Variants in GPA33 observed in about 807,000 individuals in gnomAD.
The protein encoded by GPA33 is cell surface A33 antigen.
A neutral mutation model predicts 35.6 loss-of-function variants in GPA33; 27 were observed. The ratio of observed to expected loss-of-function variants is 0.76; its 90% CI spans 0.56 to 1.04. The LOEUF is 1.04. Ranked by LOEUF, GPA33 falls within the 50% of genes least tolerant of loss-of-function variation. The pLI is 0.00. For synonymous variants in GPA33, 176 were observed against 164.0 expected (o/e 1.07, Z -0.56); for missense variants, 428 against 411.9 (o/e 1.04, Z -0.34).
intron 4 of GPA33, 27 bp downstream of exon 4, chr1:167,063,555 A>T (rs1213514372): frequency 1.9e-6 from 3 of 1,578,930 alleles, no homozygotes; most frequent in African/African-American, 2.7e-5. Flanking sequence ...TGACGTGGGG[A>T]GCCCGCCTTC....
intron 2 of GPA33, among the ~76,000 whole-genome samples, chr1:167,071,781 A>G (rs1278372616): frequency 6.6e-6 from 1 of 152,098 alleles, no homozygotes; most frequent in Non-Finnish European, 1.5e-5. Flanking sequence ...AGGCTAGAAG[A>G]CCTGCTAGGA....
At chr1:167,087,781 T>C (rs1667083699) in intron 1 of GPA33, among the ~76,000 whole-genome samples, 1 of 151,986 alleles carries the variant, frequency 6.6e-6, no homozygotes, top group Admixed American at 6.6e-5. Flanking sequence ...CTGGGCATGG[T>C]GGTGCATGCC....
chr1:167,061,584 C>CTTT (rs1666443555), intron 4 of GPA33, among the ~76,000 whole-genome samples: 6 of 132,874 alleles, frequency 4.5e-5, no homozygotes, highest in African/African-American at 1.2e-4. Flanking sequence ...ATTCTACTAA[C>CTTT]TGTTTTTTTT....
intron 1 of GPA33, among the ~76,000 whole-genome samples, chr1:167,081,250 G>A (rs149716628): frequency 2.3e-3 from 352 of 152,348 alleles, no homozygotes; most frequent in Admixed American, 4.1e-3. Context: ...TGGGAAACTG[G>A]CAGTAATGCC....
At chr1:167,056,789 TGGTGCG>T (rs1558002103) in intron 4 of GPA33, among the ~76,000 whole-genome samples, 9 of 2,056 alleles carry the variant, frequency 4.4e-3, no homozygotes, top group South Asian at 0.024. Context: ...ATGTGTAGTG[TGGTGCG>T]TGTGGTGTGG....
chr1:167,080,905 A>T (rs1285362467), intron 1 of GPA33, among the ~76,000 whole-genome samples: 1 of 152,206 alleles, frequency 6.6e-6, no homozygotes, highest in Non-Finnish European at 1.5e-5. Context: ...GATGGGTAGG[A>T]TTTAAAACCA....
chr1:167,072,210 A>T (rs1666735652), intron 2 of GPA33, among the ~76,000 whole-genome samples: 1 of 152,144 alleles, frequency 6.6e-6, no homozygotes, highest in Admixed American at 6.5e-5. Context: ...GAAAAAGCTA[A>T]GTCTTTCCAC....
At chr1:167,076,004 G>A (rs922388016) in intron 1 of GPA33, among the ~76,000 whole-genome samples, 3 of 152,178 alleles carry the variant, frequency 2.0e-5, no homozygotes, top group African/African-American at 7.2e-5. Flanking sequence ...ATGCAGTGGG[G>A]TGGTGGGGAT....
chr1:167,055,120 G>A lies in GPA33; in HGVS notation c.692-9C>T. 1 of 1,611,916 alleles carries A rather than the reference G, an allele frequency of 6.2e-7. No individual in the cohort carries two copies. The highest frequency in any genetic ancestry group is 8.5e-7 in the Non-Finnish European group (1 of 1,179,840). On this transcript the variant is annotated splice_polypyrimidine_tract_variant and intron_variant, in intron 5 of 6. Transcript: ENST00000367868. ...GGCCACGTTCATGGAGGCTGCAAGA[G>A]GACAGAGCAGCTGCACTTGCCGAGC...
At chr1:167,062,732 T>A (rs142226304) in intron 4 of GPA33, among the ~76,000 whole-genome samples, 1 of 138,178 alleles carries the variant, frequency 7.2e-6, no homozygotes, top group African/African-American at 2.7e-5. Context: ...CTGGCAACTA[T>A]AGCTGAATCC....
intron 3 of GPA33, among the ~76,000 whole-genome samples, chr1:167,067,104 T>C (rs1430411707): frequency 6.6e-6 from 1 of 152,146 alleles, no homozygotes; most frequent in Non-Finnish European, 1.5e-5. Flanking sequence ...TTCGAGTGCA[T>C]TAAAAAAATG....
At chr1:167,088,271 C>T (rs1160001408) in intron 1 of GPA33, among the ~76,000 whole-genome samples, 1 of 152,180 alleles carries the variant, frequency 6.6e-6, no homozygotes, top group Non-Finnish European at 1.5e-5. Context: ...AGGTGGTATC[C>T]TCTCATGAGG....
At chr1:167,064,353 C>T (rs1666543141) in intron 3 of GPA33, among the ~76,000 whole-genome samples, 1 of 151,954 alleles carries the variant, frequency 6.6e-6, no homozygotes, top group Non-Finnish European at 1.5e-5. Context: ...CATTGAGGCC[C>T]AGAGAGGACA....
intron 2 of GPA33, among the ~76,000 whole-genome samples, chr1:167,070,230 G>C (rs148280865): frequency 6.6e-6 from 1 of 152,194 alleles, no homozygotes; most frequent in Non-Finnish European, 1.5e-5. Context: ...ATCAACCCCA[G>C]TCATTCAGTA....
chr1:167,090,211 C>T, intron 1 of GPA33, 34 bp downstream of exon 1: 2 of 1,554,108 alleles, frequency 1.3e-6, no homozygotes, highest in Non-Finnish European at 1.8e-6. Flanking sequence ...TCTCACCCAC[C>T]CCTGGGCACT....
At chr1:167,061,022 C>T (rs893358768) in intron 4 of GPA33, among the ~76,000 whole-genome samples, 4 of 152,220 alleles carry the variant, frequency 2.6e-5, no homozygotes, top group African/African-American at 4.8e-5. Flanking sequence ...CAATGCTTCA[C>T]ATCTACTTTT....
rs574485247 is a variant in GPA33 at position 167,078,389 on chromosome 1, T to C, written c.44-4850A>G. Among the ~76,000 whole-genome samples the C allele has an allele frequency of 3.2e-4, 49 of 152,282 alleles. 1 individual carries two copies. In the South Asian group the frequency reaches 0.01, roughly 32 times the overall value. ...ATAGAAGAGAACTCAGTGTGACCTT[T>C]ATGTAGGAAAAGAACTAGGGCTGGC... On this transcript the variant is annotated intron_variant, in intron 1 of 6. Transcript: ENST00000367868.
chr1:167,056,661 C>G (rs55697348), intron 4 of GPA33, among the ~76,000 whole-genome samples: 2 of 1,612 alleles, frequency 1.2e-3, no homozygotes, highest in Non-Finnish European at 1.3e-3. Flanking sequence ...GTGTGTGGTA[C>G]GGTGAGTGTG....
At chr1:167,061,592 T>G (rs1197131710) in intron 4 of GPA33, among the ~76,000 whole-genome samples, 14 of 135,106 alleles carry the variant, frequency 1.0e-4, no homozygotes, top group South Asian at 2.8e-4. Flanking sequence ...AACTGTTTTT[T>G]TTTTTTTTTT....
Sources: allele counts gnomAD v4.1 joint callset (sites outside exome capture counted in the v4.1 genomes callset), GRCh38; gene constraint gnomAD v4.1.1; transcripts MANE v1.5; gene names NCBI Gene and HGNC (gene_info 2026-07-23, HGNC 2026-07-21).